The following LARGE1 variants were observed in gnomAD, a reference collection of about 807,000 sequenced individuals.
LARGE1 encodes the protein LARGE xylosyl- and glucuronyltransferase 1.
In LARGE1, 43 loss-of-function variants were observed where a neutral mutation model predicts 87.6. The ratio of observed to expected loss-of-function variants is 0.49; its 90% CI spans 0.38 to 0.63. The LOEUF is 0.63. Among genes scored for constraint, LARGE1 ranks in the 30% least tolerant of loss-of-function variants. The pLI is 0.00. For synonymous variants in LARGE1, 434 were observed against 394.6 expected (o/e 1.10, Z -1.18); for missense variants, 802 against 1,000.2 (o/e 0.80, Z 2.67).
chr22:33,874,631 C>T (rs2064407899), intron 1 of LARGE1, among the ~76,000 whole-genome samples: 1 of 152,154 alleles, frequency 6.6e-6, no homozygotes, highest in African/African-American at 2.4e-5. Flanking sequence ...GACACTATTT[C>T]CACCCAACGA....
intron 2 of LARGE1, among the ~76,000 whole-genome samples, chr22:33,692,548 T>C (rs1006132549): frequency 1.3e-5 from 2 of 152,210 alleles, no homozygotes; most frequent in African/African-American, 4.8e-5. Context: ...TGACCTCAGG[T>C]GATCTGCCTG....
intron 9 of LARGE1, among the ~76,000 whole-genome samples, chr22:33,358,195 G>C (rs2146850488): frequency 1.3e-5 from 2 of 152,298 alleles, no homozygotes; most frequent in South Asian, 4.1e-4. Flanking sequence ...CTTGGACGCA[G>C]GTCATACAAT....
the LARGE1 span, among the ~76,000 whole-genome samples, chr22:33,082,821 C>T: frequency 5.3e-5 from 8 of 152,132 alleles, no homozygotes; most frequent in African/African-American, 1.2e-4. Flanking sequence ...GTCAGGAGAT[C>T]GAGACCATCC....
At chr22:33,778,095 C>T (rs1477047690) in intron 1 of LARGE1, among the ~76,000 whole-genome samples, 1 of 152,146 alleles carries the variant, frequency 6.6e-6, no homozygotes, top group Non-Finnish European at 1.5e-5. Flanking sequence ...AAAGCCACCA[C>T]AGGAGGAAAA....
chr22:33,275,388 T>C lies in LARGE1; in HGVS notation c.2074-764A>G, dbSNP rs55738262. 4.1e-3 allele frequency among the ~76,000 whole-genome samples: 623 copies of C among 152,356 alleles called. 2 individuals carry two copies. The highest frequency in any genetic ancestry group is 0.012 in the African/African-American group (500 of 41,580). ...TTGGACATATTGTCTGACAAGCTTT[T>C]GTTATCTAGTTTCCCAGCTCAGAGC... On this transcript the variant is annotated intron_variant, in intron 14 of 14. Coordinates refer to ENST00000397394, the MANE Select transcript of LARGE1 (RefSeq NM_133642.5).
chr22:33,307,082 G>A (rs914599591), intron 11 of LARGE1, among the ~76,000 whole-genome samples: 1 of 152,098 alleles, frequency 6.6e-6, no homozygotes, highest in African/African-American at 2.4e-5. Context: ...TTTCTGCCAG[G>A]ACCTGAACAA....
chr22:33,364,695 G>A (rs987824345), intron 9 of LARGE1, among the ~76,000 whole-genome samples: 1 of 152,116 alleles, frequency 6.6e-6, no homozygotes, highest in African/African-American at 2.4e-5. Flanking sequence ...TGTCCTCAAA[G>A]TTCATCCAAG....
At chr22:33,372,306 A>C (rs1189868194) in intron 9 of LARGE1, among the ~76,000 whole-genome samples, 1 of 152,166 alleles carries the variant, frequency 6.6e-6, no homozygotes, top group East Asian at 1.9e-4. Flanking sequence ...TTTCACTAGA[A>C]ATTAAGGTTA....
intron 2 of LARGE1, among the ~76,000 whole-genome samples, chr22:33,670,625 T>A (rs776836987): frequency 6.6e-6 from 1 of 152,122 alleles, no homozygotes; most frequent in South Asian, 2.1e-4. Context: ...TAGTTCACAG[T>A]TTCAACATTA....
intron 1 of LARGE1, among the ~76,000 whole-genome samples, chr22:33,808,903 C>T (rs1276007450): frequency 6.6e-6 from 1 of 152,176 alleles, no homozygotes; most frequent in African/African-American, 2.4e-5. Context: ...GACCCATCTT[C>T]ATCCATTCTT....
chr22:33,902,868 A>G (rs2065323297), intron 1 of LARGE1, among the ~76,000 whole-genome samples: 1 of 152,156 alleles, frequency 6.6e-6, no homozygotes, highest in Non-Finnish European at 1.5e-5. Flanking sequence ...GCAGTGGCTT[A>G]TGTCTGTAAT....
chr22:33,514,166 A>G (rs1040706317), intron 6 of LARGE1, among the ~76,000 whole-genome samples: 7 of 152,190 alleles, frequency 4.6e-5, no homozygotes, highest in Non-Finnish European at 7.3e-5. Context: ...CCCCATCATT[A>G]AGTGTCACAG....
At chr22:33,436,396 C>T (rs961377467) in intron 6 of LARGE1, among the ~76,000 whole-genome samples, 1 of 152,220 alleles carries the variant, frequency 6.6e-6, no homozygotes, top group Non-Finnish European at 1.5e-5. Flanking sequence ...AGGCCATTCT[C>T]GAACTCTGCC....
chr22:33,535,819 C>CCCCGT (rs1352960836), intron 6 of LARGE1, among the ~76,000 whole-genome samples: 1 of 152,068 alleles, frequency 6.6e-6, no homozygotes, highest in East Asian at 1.9e-4. Flanking sequence ...ATGTCGGTTC[C>CCCCGT]CCCGTCCCAT....
chr22:33,523,647 T>C (rs2071727057), intron 6 of LARGE1, among the ~76,000 whole-genome samples: 1 of 151,952 alleles, frequency 6.6e-6, no homozygotes, highest in South Asian at 2.1e-4. Context: ...CTTAATGCTA[T>C]GCCATTATCT....
chr22:33,213,783 G>A (rs1044337755), intron 11 of LARGE1, among the ~76,000 whole-genome samples: 1 of 152,012 alleles, frequency 6.6e-6, no homozygotes, highest in Non-Finnish European at 1.5e-5. Context: ...TATGTACTGG[G>A]AAACCAAAAA....
intron 1 of LARGE1, among the ~76,000 whole-genome samples, chr22:33,903,365 T>C (rs1039031972): frequency 2.0e-5 from 3 of 152,140 alleles, no homozygotes; most frequent in African/African-American, 7.2e-5. Context: ...ATTAATATTA[T>C]TTAAGCTCCA....
chr22:33,726,026 C>G (rs1402987117), intron 2 of LARGE1: 1 of 151,742 alleles, frequency 6.6e-6, no homozygotes, highest in East Asian at 1.9e-4. Flanking sequence ...TCCCTGCCCC[C>G]CATAAGGAAG....
chr22:33,081,051 T>C, the LARGE1 span, among the ~76,000 whole-genome samples: 1 of 152,152 alleles, frequency 6.6e-6, no homozygotes, highest in Non-Finnish European at 1.5e-5. Context: ...TCAGAATTCA[T>C]ATGTTGGATC....
Sources: allele counts gnomAD v4.1 joint callset (sites outside exome capture counted in the v4.1 genomes callset), GRCh38; gene constraint gnomAD v4.1.1; transcripts MANE v1.5; gene names NCBI Gene and HGNC (gene_info 2026-07-23, HGNC 2026-07-21).